The following C14orf93 variants were observed in gnomAD, a reference collection of about 807,000 sequenced individuals.
C14orf93 encodes chromosome 14 open reading frame 93, also known as uncharacterized protein C14orf93.
C14orf93 carries 23 observed loss-of-function variants against 44.0 expected under a neutral mutation model. The observed-to-expected ratio is 0.52, with a 90% CI of 0.38 to 0.74. C14orf93 has a LOEUF of 0.74. Ranked by LOEUF, C14orf93 falls within the 30% of genes least tolerant of loss-of-function variation. The pLI is 0.00. For missense variants in C14orf93, 579 were observed against 678.9 expected (o/e 0.85, Z 1.64); for synonymous variants, 253 against 265.7 (o/e 0.95, Z 0.46).
chr14:23,006,315 A>G (rs2046615992), intron 1 of C14orf93: 1 of 152,184 alleles, frequency 6.6e-6, no homozygotes, highest in African/African-American at 2.4e-5. Context: ...ATACCACAAA[A>G]TACTATTTTC....
chr14:22,989,092 C>T lies in C14orf93; in HGVS notation c.1084+650G>A, dbSNP rs550687313. ...ACCTCGCAGGCTCAAGCAATCCTCC[C>T]ACCTCAGCCTCCCAAGTAGCTGGGA... On this transcript the variant is annotated intron_variant, in intron 5 of 6. Transcript: ENST00000299088. 5.1e-4 allele frequency among the ~76,000 whole-genome samples: 78 copies of T among 152,162 alleles called. No individual in the cohort carries two copies. In the Middle Eastern group the frequency reaches 0.024, roughly 46 times the overall value.
chr14:23,001,921 G>A (rs1163663309), intron 1 of C14orf93, among the ~76,000 whole-genome samples: 1 of 149,838 alleles, frequency 6.7e-6, no homozygotes, highest in Non-Finnish European at 1.5e-5. Context: ...GGCCGAGGCC[G>A]GCGAATCACG....
At chr14:22,997,525 T>C (rs919391308) in intron 2 of C14orf93, among the ~76,000 whole-genome samples, 15 of 152,192 alleles carry the variant, frequency 9.9e-5, no homozygotes, top group Admixed American at 2.6e-4. Flanking sequence ...TTCCTATCTC[T>C]AAGATCTCTA....
At position 23,004,873 on chromosome 14, in the gene C14orf93, G is replaced by A. The variant is rs547615158; in HGVS notation, c.-380+5228C>T. ...GTGGAGGTTGCAATGAGCCAAGATCGCACCACTGCACTCCAGCCTGGGCAA... is the reference window on the plus strand; with the variant it reads ...GTGGAGGTTGCAATGAGCCAAGATCACACCACTGCACTCCAGCCTGGGCAA... On this transcript the variant is annotated intron_variant, in intron 1 of 6. Coordinates refer to ENST00000299088, the MANE Select transcript of C14orf93 (RefSeq NM_021944.4). Among the ~76,000 whole-genome samples the A allele has an allele frequency of 2.5e-4, 38 of 152,232 alleles. 1 individual carries two copies. The South Asian group carries it at 6.8e-3, about 27-fold the overall frequency.
intron 3 of C14orf93, among the ~76,000 whole-genome samples, chr14:22,995,602 C>T (rs545133176): frequency 1.3e-5 from 2 of 149,000 alleles, no homozygotes; most frequent in East Asian, 3.9e-4. Flanking sequence ...ATCGCTTGAA[C>T]CTGGGAGGTG....
At position 22,988,035 on chromosome 14, in the gene C14orf93, G is replaced by C; in HGVS notation, c.1085-20C>G. Reference sequence around the variant, plus strand: ...AGGCTCCTGGCGGGGAGGGAAGGAAGGGAGCAAGAAGGAGGGTCCTCTGAG... The same window carrying C: ...AGGCTCCTGGCGGGGAGGGAAGGAACGGAGCAAGAAGGAGGGTCCTCTGAG... On this transcript the variant is annotated intron_variant, in intron 5 of 6. Transcript: ENST00000299088. The C allele has an allele frequency of 6.4e-7, 1 of 1,569,830 alleles. No homozygotes were observed.
chr14:22,993,124 C>G (rs1201778459), intron 3 of C14orf93, among the ~76,000 whole-genome samples: 1 of 152,254 alleles, frequency 6.6e-6, no homozygotes, highest in Non-Finnish European at 1.5e-5. Flanking sequence ...AGGTGATCTG[C>G]CCGCCTTGGC....
intron 3 of C14orf93, among the ~76,000 whole-genome samples, chr14:22,992,698 C>A (rs2045727733): frequency 6.6e-6 from 1 of 151,678 alleles, no homozygotes; most frequent in African/African-American, 2.4e-5. Context: ...ATTCTCCTGG[C>A]TCAGCCTCCC....
chr14:22,992,276 A>C (rs1468663359), intron 3 of C14orf93, among the ~76,000 whole-genome samples: 1 of 151,934 alleles, frequency 6.6e-6, no homozygotes, highest in African/African-American at 2.4e-5. Context: ...GACCAGCCTG[A>C]CCAACATGGT....
chr14:22,991,772 A>G (rs1434785917), intron 3 of C14orf93, among the ~76,000 whole-genome samples: 2 of 151,854 alleles, frequency 1.3e-5, no homozygotes, highest in African/African-American at 4.8e-5. Flanking sequence ...GGGTTTCACC[A>G]TGTTGGCCAG....
intron 3 of C14orf93, 101 bp downstream of exon 3, chr14:22,995,847 C>T (rs1241612443): frequency 1.8e-6 from 2 of 1,142,152 alleles, no homozygotes; most frequent in African/African-American, 1.6e-5. Flanking sequence ...GGATTCAGTA[C>T]AGCATTCATT....
Position 22,987,139 on chromosome 14 carries a change from T to C in C14orf93, c.*76A>G. On this transcript the variant is annotated 3_prime_UTR_variant, in exon 7 of 7. Coordinates refer to ENST00000299088, the MANE Select transcript of C14orf93 (RefSeq NM_021944.4). This position sits in a 1 kb window ranked among gnomAD's most constrained non-coding sequence, Gnocchi z 5.6. ...CAGACTGCACAGAGCATCTCATTATTTTGTGAAGCCCCATGGCCACCTATT... is the reference window on the plus strand; with the variant it reads ...CAGACTGCACAGAGCATCTCATTATCTTGTGAAGCCCCATGGCCACCTATT... 1 of 1,429,588 alleles carries C rather than the reference T, an allele frequency of 7.0e-7. No individual in the cohort carries two copies. The highest frequency in any genetic ancestry group is 9.4e-7 in the Non-Finnish European group (1 of 1,063,354). The allele number at this position is 1,429,588 out of a possible 1,614,324, so 88.6% of individuals were successfully genotyped here. A position where few individuals can be genotyped will look rare whatever the true frequency, so the allele number is the denominator to read the frequency against.
intron 3 of C14orf93, among the ~76,000 whole-genome samples, chr14:22,994,841 A>G (rs1594627595): frequency 6.6e-6 from 1 of 152,234 alleles, no homozygotes; most frequent in East Asian, 1.9e-4. Context: ...GAGCTGGATA[A>G]TTCTTTGTTA....
At chr14:22,990,886 T>C (rs888432911) in intron 3 of C14orf93, among the ~76,000 whole-genome samples, 9 of 150,844 alleles carry the variant, frequency 6.0e-5, no homozygotes, top group Admixed American at 1.3e-4. Context: ...TGGCACGATC[T>C]TGGCTCACTG....
intron 3 of C14orf93, among the ~76,000 whole-genome samples, chr14:22,990,443 G>A (rs1195168562): frequency 6.6e-6 from 1 of 151,986 alleles, no homozygotes; most frequent in African/African-American, 2.4e-5. Context: ...CAGGAGTACT[G>A]CGAGTGAACA....
chr14:23,003,097 T>C (rs892792044), intron 1 of C14orf93, among the ~76,000 whole-genome samples: 1 of 152,236 alleles, frequency 6.6e-6, no homozygotes, highest in Admixed American at 6.5e-5. Context: ...ATGCTAAATG[T>C]ATTTTCCTAT....
intron 5 of C14orf93, among the ~76,000 whole-genome samples, chr14:22,988,815 T>G (rs2045404907): frequency 6.6e-6 from 1 of 152,064 alleles, no homozygotes; most frequent in African/African-American, 2.4e-5. Context: ...GCGTGGTGGC[T>G]CACACCTGTA....
intron 3 of C14orf93, among the ~76,000 whole-genome samples, chr14:22,992,859 A>G (rs1299957859): frequency 6.6e-6 from 1 of 152,002 alleles, no homozygotes; most frequent in Non-Finnish European, 1.5e-5. Flanking sequence ...CTGGGATTAC[A>G]GGCATGAGCC....
In C14orf93 at chr14:22,998,464, G is replaced by T; in HGVS notation, c.560C>A (p.Thr187Lys). Reference protein sequence around the residue: ...TQRDMRLPGCTLAASEAAPLL... With the variant: ...TQRDMRLPGCKLAASEAAPLL... ...GGGGGCCGCCTCGCTGGCAGCCAGC[G>T]TGCACCCTGGGAGCCGCATGTCCCT... Residue 187 changes from threonine (T) to lysine (K), a missense_variant, in exon 2 of 7, where the codon ACG becomes AAG. Coordinates refer to ENST00000299088, the MANE Select transcript of C14orf93 (RefSeq NM_021944.4). The T allele has an allele frequency of 6.2e-7, 1 of 1,602,466 alleles. No homozygotes were observed. The highest frequency in any genetic ancestry group is 8.5e-7 in the Non-Finnish European group (1 of 1,173,972).
Sources: gnomAD v4.1 joint callset for allele counts (sites outside exome capture counted in the v4.1 genomes callset) on GRCh38, gnomAD v4.1.1 for gene constraint, Gnocchi (gnomAD v3.1) non-coding constraint, MANE v1.5 for transcripts, NCBI Gene and HGNC (gene_info 2026-07-23, HGNC 2026-07-21) for gene names.